Variants in FAM117B observed in about 807,000 individuals in gnomAD.
The protein encoded by FAM117B is protein FAM117B.
A neutral mutation model predicts 52.8 loss-of-function variants in FAM117B; 22 were observed. That is an observed-to-expected ratio of 0.42 (90% CI 0.30 to 0.59). The LOEUF is 0.59. Among genes scored for constraint, FAM117B ranks in the 20% least tolerant of loss-of-function variants. FAM117B has a pLI of 0.22. For missense variants in FAM117B, 678 were observed against 802.6 expected (o/e 0.84, Z 1.88); for synonymous variants, 309 against 324.1 (o/e 0.95, Z 0.50).
At chr2:202,751,182 A>G (rs1366807148) in intron 4 of FAM117B, among the ~76,000 whole-genome samples, 1 of 152,214 alleles carries the variant, frequency 6.6e-6, no homozygotes, top group African/African-American at 2.4e-5. Flanking sequence ...TAAAAATTGC[A>G]TCATTCTTTA....
In FAM117B at chr2:202,766,106, A is replaced by AC. The variant is rs57350676; in HGVS notation, c.*346dup. The AC allele has an allele frequency of 1.8e-5, 3 of 167,512 alleles. No individual in the cohort carries two copies. Among genetic ancestry groups the AC allele is most frequent in the African/African-American group, 8.3e-5 (3 of 36,028 alleles). The allele number at this position is 167,512 out of a possible 1,614,324, so 10.4% of individuals were successfully genotyped here. A position where few individuals can be genotyped will look rare whatever the true frequency, so the allele number is the denominator to read the frequency against. Reference sequence around the variant, plus strand: ...CACACACACACACACACACACACACACCCCTGATCCTTGCCAACATGATTC... The same window carrying AC: ...CACACACACACACACACACACACACACCCCCTGATCCTTGCCAACATGATTC... On this transcript the variant is annotated 3_prime_UTR_variant, in exon 8 of 8. Coordinates refer to ENST00000392238, the MANE Select transcript of FAM117B (RefSeq NM_173511.4).
At position 202,635,061 on chromosome 2, in the gene FAM117B, C is replaced by T; in HGVS notation, c.-127C>T. On this transcript the variant is annotated 5_prime_UTR_variant, in exon 1 of 8. Transcript: ENST00000392238. ...CCTGCCCCGGCCCGGTCTCCCCCTG[C>T]ACCCCGGAGTCCGGCTTCGTCACCC... 5.8e-6 allele frequency: 7 copies of T among 1,196,708 alleles called. No homozygotes were observed. Among genetic ancestry groups the T allele is most frequent in the Non-Finnish European group, 7.4e-6 (7 of 950,872 alleles). 74.1% of individuals were successfully genotyped at this position (1,196,708 alleles called of 1,614,324 possible).
At chr2:202,744,575 A>G (rs1183440663) in intron 4 of FAM117B, among the ~76,000 whole-genome samples, 1 of 152,180 alleles carries the variant, frequency 6.6e-6, no homozygotes, top group Non-Finnish European at 1.5e-5. Context: ...TTTTCAGCCA[A>G]AACTTTACAG....
chr2:202,684,656 T>G (rs1252851899), intron 1 of FAM117B, among the ~76,000 whole-genome samples: 1 of 151,770 alleles, frequency 6.6e-6, no homozygotes, highest in Admixed American at 6.6e-5. Context: ...GAAATTAACA[T>G]GTATTAGATA....
chr2:202,762,251 G>C (rs1691901616), intron 7 of FAM117B, among the ~76,000 whole-genome samples: 1 of 152,156 alleles, frequency 6.6e-6, no homozygotes, highest in Non-Finnish European at 1.5e-5. Context: ...GGTCGGGATG[G>C]GGTGAGGAGT....
chr2:202,709,529 T>G (rs2105781651), intron 2 of FAM117B, among the ~76,000 whole-genome samples: 1 of 152,296 alleles, frequency 6.6e-6, no homozygotes, highest in Non-Finnish European at 1.5e-5. Context: ...TTAGTTTTAT[T>G]GCCATTGAGT....
At chr2:202,756,611 C>A (rs920276080) in intron 5 of FAM117B, among the ~76,000 whole-genome samples, 7 of 152,030 alleles carry the variant, frequency 4.6e-5, no homozygotes, top group African/African-American at 1.7e-4. Flanking sequence ...TCCCCACACC[C>A]TCTCCTCCAT....
intron 1 of FAM117B, among the ~76,000 whole-genome samples, chr2:202,680,720 T>C (rs569544837): frequency 6.6e-6 from 1 of 152,230 alleles, no homozygotes; most frequent in East Asian, 1.9e-4. Flanking sequence ...ATAGATAAAA[T>C]GAAACTGTAA....
At chr2:202,657,651 G>C (rs2105759759) in intron 1 of FAM117B, among the ~76,000 whole-genome samples, 1 of 151,960 alleles carries the variant, frequency 6.6e-6, no homozygotes, top group East Asian at 1.9e-4. Context: ...ACCTCACCTG[G>C]CTAATTTAAA....
chr2:202,655,707 T>TGAGA lies in FAM117B; in HGVS notation c.601+19971_601+19974dup, dbSNP rs60423652. Among the ~76,000 whole-genome samples, 402 of 98,688 alleles carry TGAGA rather than the reference T, an allele frequency of 4.1e-3. 1 individual carries two copies. The highest frequency in any genetic ancestry group is 7.1e-3 in the East Asian group (25 of 3,534). 64.7% of individuals were successfully genotyped at this position (98,688 alleles called of 152,430 possible). The stretch of plus-strand genomic sequence containing the variant: ...GCCTGGAGTGGGTGCGGGAAGAGAG[T>TGAGA]GAGAGAGAGAGAGAGAGAGAGAGAG... On this transcript the variant is annotated intron_variant, in intron 1 of 7. Coordinates refer to ENST00000392238, the MANE Select transcript of FAM117B (RefSeq NM_173511.4).
chr2:202,658,097 C>T (rs1218060373), intron 1 of FAM117B, among the ~76,000 whole-genome samples: 1 of 152,094 alleles, frequency 6.6e-6, no homozygotes, highest in Non-Finnish European at 1.5e-5. Context: ...TTTTTGCTTT[C>T]AACAGTCATA....
At position 202,635,274 on chromosome 2, in the gene FAM117B, G is replaced by C. The variant is rs2105748437; in HGVS notation, c.87G>C (p.Gly29=). The C allele has an allele frequency of 1.4e-6, 2 of 1,403,704 alleles. No individual in the cohort carries two copies. The highest frequency in any genetic ancestry group is 1.9e-6 in the Non-Finnish European group (2 of 1,075,466). The allele number at this position is 1,403,704 out of a possible 1,614,324, so 87.0% of individuals were successfully genotyped here. A position where few individuals can be genotyped will look rare whatever the true frequency, so the allele number is the denominator to read the frequency against. ...CGGTGGCCACGGCCGGGGGACCCGGGAGCCGCTTGCAGCCCATGAGGGCGA... is the reference window on the plus strand; with the variant it reads ...CGGTGGCCACGGCCGGGGGACCCGGCAGCCGCTTGCAGCCCATGAGGGCGA... The part of the protein sequence containing the change: ...GGAVATAGGP[G]SRLQPMRATV... The change falls in exon 1 of 8, where the codon GGG becomes GGC. Residue 29 remains glycine, a synonymous_variant. Transcript: ENST00000392238.
intron 4 of FAM117B, among the ~76,000 whole-genome samples, chr2:202,741,155 G>A (rs1221667786): frequency 6.6e-6 from 1 of 151,998 alleles, no homozygotes; most frequent in Non-Finnish European, 1.5e-5. Context: ...AGGCGCGGTG[G>A]CTCATGCCTT....
At chr2:202,644,064 G>GTTTTTTTTTTTTTTTTTTTTTTTGT (rs1161026426) in intron 1 of FAM117B, among the ~76,000 whole-genome samples, 1 of 95,138 alleles carries the variant, frequency 1.1e-5, no homozygotes, top group South Asian at 3.6e-4. Flanking sequence ...TTTTTTTTTT[G>GTTTTTTTTTTTTTTTTTTTTTTTGT]TTTTTTTTTT....
intron 1 of FAM117B, among the ~76,000 whole-genome samples, chr2:202,685,997 A>G (rs540192505): frequency 3.3e-5 from 5 of 152,376 alleles, no homozygotes; most frequent in Admixed American, 2.6e-4. Context: ...CAAGCCAAAA[A>G]GAAGACAAGG....
chr2:202,698,110 A>T (rs1000671187), intron 2 of FAM117B, among the ~76,000 whole-genome samples: 4 of 152,040 alleles, frequency 2.6e-5, no homozygotes, highest in Non-Finnish European at 4.4e-5. Flanking sequence ...ACCTCAAGTG[A>T]TCTGCCAGCC....
chr2:202,658,586 G>T (rs551598021), intron 1 of FAM117B, among the ~76,000 whole-genome samples: 2 of 152,154 alleles, frequency 1.3e-5, no homozygotes, highest in South Asian at 4.1e-4. Flanking sequence ...ACAGGTATGA[G>T]CCACTGTGCC....
chr2:202,642,978 A>T (rs1689793464), intron 1 of FAM117B, among the ~76,000 whole-genome samples: 1 of 152,188 alleles, frequency 6.6e-6, no homozygotes. Context: ...GATAGGAAAG[A>T]TTTTCAAATG....
chr2:202,666,925 G>A (rs1231375132), intron 1 of FAM117B, among the ~76,000 whole-genome samples: 1 of 151,484 alleles, frequency 6.6e-6, no homozygotes, highest in African/African-American at 2.4e-5. Context: ...GAGTACAGGT[G>A]TGAGCCACCA....
Sources: allele counts gnomAD v4.1 joint callset (sites outside exome capture counted in the v4.1 genomes callset), GRCh38; gene constraint gnomAD v4.1.1; transcripts MANE v1.5; gene names NCBI Gene and HGNC (gene_info 2026-07-23, HGNC 2026-07-21).